Variants in TSPAN18 observed in about 807,000 individuals in gnomAD.
The protein encoded by TSPAN18 is tetraspanin 18.
TSPAN18 carries 14 observed loss-of-function variants against 27.3 expected under a neutral mutation model. That is an observed-to-expected ratio of 0.51 (90% CI 0.34 to 0.80). The LOEUF (loss-of-function observed/expected upper bound fraction) is 0.80. Ranked by LOEUF, TSPAN18 falls within the 30% of genes least tolerant of loss-of-function variation. TSPAN18 has a pLI of 0.01. For missense variants in TSPAN18, 268 were observed against 323.9 expected (o/e 0.83, Z 1.32); for synonymous variants, 143 against 136.5 (o/e 1.05, Z -0.33).
intron 2 of TSPAN18, among the ~76,000 whole-genome samples, chr11:44,776,661 G>T (rs1855815844): frequency 6.6e-6 from 1 of 152,176 alleles, no homozygotes; most frequent in South Asian, 2.1e-4. Flanking sequence ...CTGGGTTTGA[G>T]CCCTGTCTCT....
intron 2 of TSPAN18, among the ~76,000 whole-genome samples, chr11:44,816,444 T>C (rs1240203764): frequency 1.3e-5 from 2 of 152,246 alleles, no homozygotes; most frequent in Non-Finnish European, 2.9e-5. Context: ...CTGGCACAGA[T>C]GAACATCAGA....
chr11:44,729,636 A>T (rs956759884), intron 1 of TSPAN18, among the ~76,000 whole-genome samples: 1 of 151,968 alleles, frequency 6.6e-6, no homozygotes, highest in Non-Finnish European at 1.5e-5. Context: ...CTTTTACCCA[A>T]CCCCAGTCTG....
At chr11:44,854,262 G>T (rs1375262684) in intron 2 of TSPAN18, among the ~76,000 whole-genome samples, 1 of 151,116 alleles carries the variant, frequency 6.6e-6, no homozygotes, top group African/African-American at 2.4e-5. Flanking sequence ...CTGAGTTAGA[G>T]ACCTCTCCCT....
intron 2 of TSPAN18, among the ~76,000 whole-genome samples, chr11:44,803,336 G>T (rs1229240738): frequency 6.8e-6 from 1 of 146,936 alleles, no homozygotes; most frequent in Non-Finnish European, 1.5e-5. Context: ...GGAAAGCATG[G>T]GTTGGGGGGG....
chr11:44,912,419 T>C (rs1859755926), intron 5 of TSPAN18, among the ~76,000 whole-genome samples: 1 of 151,820 alleles, frequency 6.6e-6, no homozygotes, highest in Non-Finnish European at 1.5e-5. Context: ...CCACTTCCCC[T>C]GCTTGCCCTC....
At chr11:44,865,833 G>A (rs900231421) in intron 3 of TSPAN18, among the ~76,000 whole-genome samples, 5 of 152,176 alleles carry the variant, frequency 3.3e-5, no homozygotes, top group African/African-American at 7.2e-5. Context: ...AGGAGCAGTC[G>A]GGTCCCTTAG....
chr11:44,781,838 C>G (rs1009400658), intron 2 of TSPAN18, among the ~76,000 whole-genome samples: 6 of 152,174 alleles, frequency 3.9e-5, no homozygotes, highest in African/African-American at 1.2e-4. Context: ...TTAGCCCTCC[C>G]CAGTTAATCT....
chr11:44,732,611 A>G (rs1290062457), intron 1 of TSPAN18, among the ~76,000 whole-genome samples: 1 of 152,116 alleles, frequency 6.6e-6, no homozygotes, highest in African/African-American at 2.4e-5. Context: ...TCTGTCCTGC[A>G]TGGATTACTC....
intron 8 of TSPAN18, among the ~76,000 whole-genome samples, chr11:44,922,710 C>G (rs1590699399): frequency 6.6e-6 from 1 of 152,172 alleles, no homozygotes; most frequent in African/African-American, 2.4e-5. Context: ...ATCTACCAGC[C>G]TTCGTGATGG....
chr11:44,744,000 G>C (rs1413772022), intron 1 of TSPAN18, among the ~76,000 whole-genome samples: 2 of 152,160 alleles, frequency 1.3e-5, no homozygotes, highest in Non-Finnish European at 2.9e-5. Context: ...TGAGTGAGGG[G>C]AAAAGAGCAA....
intron 3 of TSPAN18, among the ~76,000 whole-genome samples, chr11:44,888,891 T>G (rs1858750042): frequency 1.3e-5 from 2 of 152,230 alleles, no homozygotes; most frequent in Admixed American, 6.5e-5. Flanking sequence ...CATCTTGAAT[T>G]GTAATCCCCA....
intron 2 of TSPAN18, among the ~76,000 whole-genome samples, chr11:44,819,301 A>G (rs1856878396): frequency 6.6e-6 from 1 of 152,112 alleles, no homozygotes; most frequent in South Asian, 2.1e-4. Context: ...GCCGGTAATT[A>G]TAGGGACTGG....
rs1215184984 is a variant in TSPAN18, at chr11:44,825,426, C to T, written c.-152-34902C>T. ...GGAAATGGGCAGCCTGGGTGGGAGC[C>T]CCGGTCAGTCTGACTCCAGTGCTCT... On this transcript the variant is annotated intron_variant, in intron 2 of 9. Transcript: ENST00000520358. Among the ~76,000 whole-genome samples, 3 of 152,272 alleles carry T rather than the reference C, an allele frequency of 2.0e-5. No individual in the cohort carries two copies. The East Asian group carries it at 5.8e-4, about 29-fold the overall frequency.
chr11:44,896,516 CA>C (rs1184675027), intron 3 of TSPAN18, among the ~76,000 whole-genome samples: 3 of 152,134 alleles, frequency 2.0e-5, no homozygotes, highest in African/African-American at 7.2e-5. Flanking sequence ...ATGGGGCAGG[CA>C]GTTGAAGGGC....
intron 3 of TSPAN18, among the ~76,000 whole-genome samples, chr11:44,895,989 A>G (rs939715927): frequency 1.2e-4 from 19 of 152,154 alleles, no homozygotes; most frequent in Non-Finnish European, 2.8e-4. Context: ...CCAAGCCTCA[A>G]TTTCATTCTG....
chr11:44,914,739 G>A (rs550626840), intron 5 of TSPAN18, among the ~76,000 whole-genome samples: 2 of 152,314 alleles, frequency 1.3e-5, no homozygotes, highest in South Asian at 4.1e-4. Flanking sequence ...AGTAAAATGG[G>A]GGTGTTGCTG....
chr11:44,774,956 A>C (rs1855770089), intron 2 of TSPAN18, among the ~76,000 whole-genome samples: 1 of 152,138 alleles, frequency 6.6e-6, no homozygotes, highest in Non-Finnish European at 1.5e-5. Context: ...AATAGTTGAC[A>C]CCAGAAAGTC....
chr11:44,752,368 GCA>G, intron 1 of TSPAN18, among the ~76,000 whole-genome samples: 1 of 152,096 alleles, frequency 6.6e-6, no homozygotes, highest in Non-Finnish European at 1.5e-5. Flanking sequence ...ATTCAGCTCA[GCA>G]GAACAACTTT....
At chr11:44,898,346 G>A (rs1054536002) in intron 3 of TSPAN18, among the ~76,000 whole-genome samples, 12 of 152,120 alleles carry the variant, frequency 7.9e-5, no homozygotes, top group Non-Finnish European at 1.6e-4. Context: ...GGGCTAGATC[G>A]TGCTTCCCAA....
Sources: allele counts gnomAD v4.1 joint callset (sites outside exome capture counted in the v4.1 genomes callset), GRCh38; gene constraint gnomAD v4.1.1; transcripts MANE v1.5; gene names NCBI Gene and HGNC (gene_info 2026-07-23, HGNC 2026-07-21).